SYN3: variants seen among roughly 807,000 people sequenced by gnomAD.
The protein encoded by SYN3 is synapsin III, also known as synapsin-3.
A neutral mutation model predicts 65.8 loss-of-function variants in SYN3; 35 were observed. That is an observed-to-expected ratio of 0.53 (90% CI 0.41 to 0.70). The LOEUF is 0.70. Ranked by LOEUF, SYN3 falls within the 30% of genes least tolerant of loss-of-function variation. The pLI, the probability that SYN3 is intolerant of heterozygous loss-of-function variation, is 0.00. For synonymous variants in SYN3, 270 were observed against 292.9 expected (o/e 0.92, Z 0.80); for missense variants, 680 against 749.0 (o/e 0.91, Z 1.08).
intron 6 of SYN3, among the ~76,000 whole-genome samples, chr22:32,719,901 GTCTT>G (rs1241877941): frequency 1.3e-5 from 2 of 152,180 alleles, no homozygotes; most frequent in Non-Finnish European, 2.9e-5. Context: ...GAGGGAAATA[GTCTT>G]TCTAACACCC....
chr22:32,943,975 C>T (rs2051025254), intron 3 of SYN3, among the ~76,000 whole-genome samples: 1 of 152,190 alleles, frequency 6.6e-6, no homozygotes, highest in South Asian at 2.1e-4. Flanking sequence ...AACAAAGAGA[C>T]TTAGACTCCC....
At chr22:32,932,919 G>A (rs547510009) in intron 3 of SYN3, among the ~76,000 whole-genome samples, 6 of 152,274 alleles carry the variant, frequency 3.9e-5, no homozygotes, top group African/African-American at 9.6e-5. Context: ...TCTTTGGCTT[G>A]TAGATGGCCA....
intron 7 of SYN3, among the ~76,000 whole-genome samples, chr22:32,566,257 T>G (rs183765351): frequency 1.3e-5 from 2 of 152,332 alleles, no homozygotes; most frequent in African/African-American, 4.8e-5. Context: ...GTCTTGGAAT[T>G]GGGTGTGTAT....
chr22:32,889,999 AT>A (rs550795588), intron 4 of SYN3, among the ~76,000 whole-genome samples: 2 of 131,250 alleles, frequency 1.5e-5, no homozygotes, highest in South Asian at 2.4e-4. Context: ...TTGATCTTTA[AT>A]TTTTTTTTAT....
chr22:32,874,120 C>T (rs1285553529), intron 4 of SYN3, among the ~76,000 whole-genome samples: 1 of 152,036 alleles, frequency 6.6e-6, no homozygotes, highest in African/African-American at 2.4e-5. Context: ...GATGACAGAA[C>T]AAGAATCTGT....
chr22:32,597,204 C>CTTTTTTTT (rs6147592), intron 6 of SYN3, among the ~76,000 whole-genome samples: 3 of 87,372 alleles, frequency 3.4e-5, no homozygotes, highest in South Asian at 5.2e-4. Context: ...ACATTATTCT[C>CTTTTTTTT]TTTTTTTTTT....
At chr22:32,788,665 A>T (rs928402899) in intron 6 of SYN3, among the ~76,000 whole-genome samples, 1 of 142,820 alleles carries the variant, frequency 7.0e-6, no homozygotes. Flanking sequence ...ATATGTTTAG[A>T]TTATGTGCAA....
intron 2 of SYN3, among the ~76,000 whole-genome samples, chr22:32,991,575 C>T (rs1180167032): frequency 6.6e-6 from 1 of 152,098 alleles, no homozygotes; most frequent in Non-Finnish European, 1.5e-5. Flanking sequence ...AGCCAAGTGG[C>T]AGATATCATC....
chr22:32,938,163 T>C (rs1289019056), intron 3 of SYN3, among the ~76,000 whole-genome samples: 1 of 152,128 alleles, frequency 6.6e-6, no homozygotes, highest in Non-Finnish European at 1.5e-5. Context: ...AAGATAAGAA[T>C]GATAAACAGC....
chr22:32,690,811 C>T (rs763214627), intron 6 of SYN3, among the ~76,000 whole-genome samples: 4 of 152,278 alleles, frequency 2.6e-5, no homozygotes, highest in South Asian at 4.1e-4. Context: ...AGGGCAGAGA[C>T]AAATTTACCT....
chr22:32,858,008 C>T, intron 6 of SYN3: 6 of 1,614,184 alleles, frequency 3.7e-6, no homozygotes, highest in Non-Finnish European at 5.1e-6. Flanking sequence ...TTCTTCTTTC[C>T]TCCTGTAGGT....
chr22:32,525,418 T>C (rs553591610), intron 12 of SYN3, among the ~76,000 whole-genome samples: 2 of 152,072 alleles, frequency 1.3e-5, no homozygotes, highest in East Asian at 3.9e-4. Context: ...ATAAAGATGC[T>C]ATGAAGGGGC....
chr22:33,015,338 A>T, intron 1 of SYN3: 1 of 675,946 alleles, frequency 1.5e-6, no homozygotes, highest in Non-Finnish European at 2.3e-6. Context: ...TGAAGAATCC[A>T]GAGAAGATCA....
At chr22:32,573,936 A>ATTTT (rs562426253) in intron 7 of SYN3, among the ~76,000 whole-genome samples, 1 of 140,592 alleles carries the variant, frequency 7.1e-6, no homozygotes, top group African/African-American at 2.6e-5. Context: ...CGCCCGGCTA[A>ATTTT]TTTTTTTTTT....
At chr22:32,561,857 G>C (rs150653607) in intron 7 of SYN3, among the ~76,000 whole-genome samples, 1 of 152,214 alleles carries the variant, frequency 6.6e-6, no homozygotes, top group Non-Finnish European at 1.5e-5. Context: ...AGGCAAATCT[G>C]TCTCATTCTG....
At chr22:32,517,940 C>T (rs1394886885) in intron 13 of SYN3, 103 bp downstream of exon 13, 15 of 1,289,882 alleles carry the variant, frequency 1.2e-5, no homozygotes, top group Admixed American at 5.5e-5. Context: ...GGCAAGGCCT[C>T]GTTGGGTCTT....
intron 6 of SYN3, among the ~76,000 whole-genome samples, chr22:32,610,044 A>G (rs550257450): frequency 4.9e-4 from 75 of 152,330 alleles, no homozygotes; most frequent in African/African-American, 1.7e-3. Flanking sequence ...GCACTTTGGG[A>G]GGCCGAGGCA....
chr22:32,901,347 A>G (rs1357855283), intron 4 of SYN3, among the ~76,000 whole-genome samples: 2 of 152,220 alleles, frequency 1.3e-5, no homozygotes, highest in Non-Finnish European at 2.9e-5. Flanking sequence ...CCTCACTGGG[A>G]CATGAGCACT....
At chr22:32,722,785 G>C (rs2061138334) in intron 6 of SYN3, among the ~76,000 whole-genome samples, 1 of 152,328 alleles carries the variant, frequency 6.6e-6, no homozygotes, top group South Asian at 2.1e-4. Context: ...CTTTGGAGCT[G>C]TCAGCATTCC....
Sources: allele counts gnomAD v4.1 joint callset (sites outside exome capture counted in the v4.1 genomes callset), GRCh38; gene constraint gnomAD v4.1.1; transcripts MANE v1.5; gene names NCBI Gene and HGNC (gene_info 2026-07-23, HGNC 2026-07-21).